The following ARHGAP31 variants were observed in gnomAD, a reference collection of about 807,000 sequenced individuals.
The protein encoded by ARHGAP31 is Rho GTPase activating protein 31.
ARHGAP31 carries 34 observed loss-of-function variants against 113.9 expected under a neutral mutation model. The observed-to-expected ratio is 0.30, with a 90% CI of 0.23 to 0.40. ARHGAP31 has a LOEUF of 0.40. Among genes scored for constraint, ARHGAP31 ranks in the 10% least tolerant of loss-of-function variants. The probability of loss-of-function intolerance (pLI) is 1.00; values close to 1 mark genes in which losing one functional copy is unlikely to be tolerated. For synonymous variants in ARHGAP31, 650 were observed against 684.8 expected, an observed-to-expected ratio of 0.95 and a Z score of 0.79; for missense variants, 1,548 against 1,767.1, an observed-to-expected ratio of 0.88 and a Z score of 2.22.
chr3:119,341,544 C>A (rs2080008434), intron 1 of ARHGAP31, among the ~76,000 whole-genome samples: 1 of 152,120 alleles, frequency 6.6e-6, no homozygotes, highest in African/African-American at 2.4e-5. Flanking sequence ...AAGAAAATCT[C>A]CCCAAAATTA....
At chr3:119,367,416 G>T (rs1460980534) in intron 2 of ARHGAP31, among the ~76,000 whole-genome samples, 2 of 152,068 alleles carry the variant, frequency 1.3e-5, no homozygotes, top group African/African-American at 4.8e-5. Flanking sequence ...AACCTTTTTA[G>T]GAAATGTTTT....
Position 119,388,883 on chromosome 3 carries a change from G to A in ARHGAP31, c.683-1902G>A, listed in dbSNP as rs748349097. On this transcript the variant is annotated intron_variant, in intron 6 of 11. Coordinates refer to ENST00000264245, the MANE Select transcript of ARHGAP31 (RefSeq NM_020754.4). ...AGAGATGCCTAAGCAGGGGCCAGGC[G>A]CGGTGGCTCACACCTGCAATCCCAG... Among the ~76,000 whole-genome samples, 10 of 152,268 alleles carry A rather than the reference G, an allele frequency of 6.6e-5. 1 individual carries two copies. The highest frequency in any genetic ancestry group is 4.1e-4 in the South Asian group (2 of 4,832).
At chr3:119,388,539 G>A (rs1019960010) in intron 6 of ARHGAP31, among the ~76,000 whole-genome samples, 5 of 152,032 alleles carry the variant, frequency 3.3e-5, no homozygotes, top group East Asian at 1.9e-4. Context: ...GGCTGGAAGC[G>A]GGGAGACCAG....
intron 1 of ARHGAP31, among the ~76,000 whole-genome samples, chr3:119,322,940 C>T (rs1021297809): frequency 6.6e-6 from 1 of 152,212 alleles, no homozygotes; most frequent in Non-Finnish European, 1.5e-5. Context: ...AACTCCCGTT[C>T]CAGCCCTGCC....
rs2080495897 is a variant in ARHGAP31 at position 119,390,701 on chromosome 3, A to G, written c.683-84A>G. The G allele has an allele frequency of 2.1e-6, 3 of 1,439,092 alleles. No homozygotes were observed. The Admixed American group carries it at 5.4e-5, about 26-fold the overall frequency. The allele number at this position is 1,439,092 out of a possible 1,614,324, so 89.1% of individuals were successfully genotyped here. On this transcript the variant is annotated intron_variant, in intron 6 of 11. Transcript: ENST00000264245. ...ACTCAGCCCCCATCATAGGATCAAG[A>G]ATGGAGGGACTGTGGATGGGGAATC...
chr3:119,301,946 C>A (rs1185161072), intron 1 of ARHGAP31, among the ~76,000 whole-genome samples: 1 of 152,246 alleles, frequency 6.6e-6, no homozygotes, highest in African/African-American at 2.4e-5. Flanking sequence ...CAGGACTCCA[C>A]TTCCTTCTAG....
chr3:119,415,419 G>A lies in ARHGAP31; in HGVS notation c.3490G>A (p.Asp1164Asn), dbSNP rs2080765654. The change falls in exon 12 of 12, where the codon GAC becomes AAC. Residue 1164 changes from aspartate to asparagine, a missense_variant. Physicochemically the swap from Asp to Asn is conservative, Grantham distance 23 (BLOSUM62 1). Transcript: ENST00000264245. ...GAGGGTTTACTCCCAGGACCCCCAG[G>A]ACCTGGACATTGTTGCTCATGCACT... ...PWRVYSQDPQ[D>N]LDIVAHALTG... 1 of 1,613,996 alleles carries A rather than the reference G, an allele frequency of 6.2e-7. No individual in the cohort carries two copies. The highest frequency in any genetic ancestry group is 8.5e-7 in the Non-Finnish European group (1 of 1,180,034).
At chr3:119,398,135 T>C (rs1246920911) in intron 8 of ARHGAP31, among the ~76,000 whole-genome samples, 2 of 152,020 alleles carry the variant, frequency 1.3e-5, no homozygotes, top group African/African-American at 2.4e-5. Context: ...GGTTTGTTGG[T>C]GTGTGCCTAT....
At chr3:119,391,427 T>C (rs775345099) in intron 7 of ARHGAP31, among the ~76,000 whole-genome samples, 2 of 151,844 alleles carry the variant, frequency 1.3e-5, no homozygotes, top group Admixed American at 6.6e-5. Context: ...GGCTGATAGC[T>C]CTGGGTGAGC....
intron 1 of ARHGAP31, among the ~76,000 whole-genome samples, chr3:119,304,429 G>A (rs1441101180): frequency 6.6e-6 from 1 of 152,144 alleles, no homozygotes; most frequent in Non-Finnish European, 1.5e-5. Flanking sequence ...AGCTATGGGA[G>A]GATGGGAGGA....
chr3:119,297,490 G>T (rs920272893), intron 1 of ARHGAP31, among the ~76,000 whole-genome samples: 1 of 134,044 alleles, frequency 7.5e-6, no homozygotes, highest in African/African-American at 3.1e-5. Context: ...AAGGTCAAAG[G>T]TGGTGCAGTA....
intron 1 of ARHGAP31, among the ~76,000 whole-genome samples, chr3:119,346,553 A>G (rs1337817417): frequency 3.3e-5 from 5 of 152,238 alleles, no homozygotes; most frequent in Non-Finnish European, 5.9e-5. Flanking sequence ...GCAGTGTCTT[A>G]TAAGTATAAG....
At chr3:119,319,710 C>G (rs1409974242) in intron 1 of ARHGAP31, among the ~76,000 whole-genome samples, 1 of 152,072 alleles carries the variant, frequency 6.6e-6, no homozygotes, top group Non-Finnish European at 1.5e-5. Context: ...AGCGGTTCCC[C>G]CTCTTTCCCT....
Position 119,413,885 on chromosome 3 carries a change from C to T in ARHGAP31, c.1956C>T (p.Ile652=), listed in dbSNP as rs745694516. 2.3e-5 allele frequency: 37 copies of T among 1,614,218 alleles called. No individual in the cohort carries two copies. The South Asian group carries it at 4.0e-4, about 17-fold the overall frequency. ...MDEDDLANAL[I]WPEIQQELKI... is the part of the protein sequence containing the mutation. ...AAGATGATCTGGCCAATGCCCTGATCTGGCCTGAGATTCAACAGGAGCTGA... is the reference window on the plus strand; with the variant it reads ...AAGATGATCTGGCCAATGCCCTGATTTGGCCTGAGATTCAACAGGAGCTGA... The change falls in exon 12 of 12, where the codon ATC becomes ATT. Residue 652 remains isoleucine (I), a synonymous_variant. Transcript: ENST00000264245.
intron 1 of ARHGAP31, among the ~76,000 whole-genome samples, chr3:119,320,925 C>T (rs1036606659): frequency 3.9e-5 from 6 of 152,056 alleles, no homozygotes; most frequent in South Asian, 2.1e-4. Flanking sequence ...GTAAGTCTCA[C>T]GAGATCTGAT....
intron 1 of ARHGAP31, among the ~76,000 whole-genome samples, chr3:119,317,324 G>A (rs944611751): frequency 1.3e-5 from 2 of 151,918 alleles, no homozygotes; most frequent in Admixed American, 6.6e-5. Flanking sequence ...CACTACAGGC[G>A]CCCACCACCA....
chr3:119,413,907 C>A lies in ARHGAP31; in HGVS notation c.1978C>A (p.Leu660Met), dbSNP rs748244511. 4.3e-6 allele frequency: 7 copies of A among 1,614,178 alleles called. No individual in the cohort carries two copies. Among genetic ancestry groups the A allele is most frequent in the Non-Finnish European group, 5.9e-6 (7 of 1,180,014 alleles). The change falls in exon 12 of 12, where the codon CTG (leucine) becomes ATG (methionine). Residue 660 changes from leucine to methionine, a missense_variant. By Grantham distance (15) the Leu-to-Met change is conservative. Coordinates refer to ENST00000264245, the MANE Select transcript of ARHGAP31 (RefSeq NM_020754.4). The part of the protein sequence containing the change: ...ALIWPEIQQE[L>M]KIIESEEELS... Reference sequence around the variant, plus strand: ...GATCTGGCCTGAGATTCAACAGGAGCTGAAAATCATTGAATCTGAGGAGGA... The same window carrying A: ...GATCTGGCCTGAGATTCAACAGGAGATGAAAATCATTGAATCTGAGGAGGA...
rs76783588 is a variant in ARHGAP31 at position 119,295,013 on chromosome 3, C to T, written c.100+9C>T. ...AAGCTCGGGACAGGATGGTAATGTG[C>T]CTTGGCCTTTCTCCCCCGCCCCCAC... On this transcript the variant is annotated intron_variant, in intron 1 of 11. Transcript: ENST00000264245. 347 of 1,613,586 alleles carry T rather than the reference C, an allele frequency of 2.2e-4. 1 individual carries two copies. In the African/African-American group the frequency reaches 4.0e-3, roughly 19 times the overall value.
chr3:119,381,036 A>G (rs770767862), intron 4 of ARHGAP31, 50 bp downstream of exon 4: 2 of 1,516,374 alleles, frequency 1.3e-6, no homozygotes, highest in Non-Finnish European at 1.8e-6. Context: ...GCAGTGTAAT[A>G]CCAAAGAGAC....
Sources: gnomAD v4.1 joint callset for allele counts (sites outside exome capture counted in the v4.1 genomes callset) on GRCh38, gnomAD v4.1.1 for gene constraint, MANE v1.5 for transcripts, NCBI Gene and HGNC (gene_info 2026-07-23, HGNC 2026-07-21) for gene names.